Variants in LRBA observed in about 807,000 individuals in gnomAD.
LRBA encodes the protein lipopolysaccharide-responsive and beige-like anchor protein.
LRBA carries 176 observed loss-of-function variants against 330.0 expected under a neutral mutation model. The observed-to-expected ratio is 0.53, with a 90% CI of 0.47 to 0.60. The LOEUF (loss-of-function observed/expected upper bound fraction) is 0.60, where lower values mean the gene tolerates loss of function less well. LRBA is among the 20% of genes least tolerant of loss of function. The probability of loss-of-function intolerance (pLI) is 0.00; values close to 1 mark genes in which losing one functional copy is unlikely to be tolerated. For synonymous variants in LRBA, 1,230 were observed against 1,193.0 expected, an observed-to-expected ratio of 1.03 and a Z score of -0.64; for missense variants, 3,259 against 3,444.8, an observed-to-expected ratio of 0.95 and a Z score of 1.35.
chr4:150,828,441 A>C lies in LRBA; in HGVS notation c.4910T>G (p.Ile1637Ser). Residue 1637 changes from isoleucine (I) to serine (S), a missense_variant, in exon 30 of 57, where the codon ATC becomes AGC. Coordinates refer to ENST00000651943, the MANE Select transcript of LRBA (RefSeq NM_001364905.1). ...AGAAAGAGTAGATAGCACCTCGCTGATTGCATCTGGGCCTGCACTGACACC... is the reference window on the plus strand; with the variant it reads ...AGAAAGAGTAGATAGCACCTCGCTGCTTGCATCTGGGCCTGCACTGACACC... ...PPGVSAGPDA[I>S]SEVLSTLSLE... 2 of 1,614,144 alleles carry C rather than the reference A, an allele frequency of 1.2e-6. No homozygotes were observed. The highest frequency in any genetic ancestry group is 1.7e-6 in the Non-Finnish European group (2 of 1,180,012).
chr4:150,926,079 G>A (rs1211520591), intron 4 of LRBA, among the ~76,000 whole-genome samples: 1 of 152,198 alleles, frequency 6.6e-6, no homozygotes, highest in Non-Finnish European at 1.5e-5. Context: ...GGAGTCCACA[G>A]AAGATAGAAG....
At chr4:150,479,109 C>G (rs1464610791) in intron 42 of LRBA, among the ~76,000 whole-genome samples, 1 of 151,846 alleles carries the variant, frequency 6.6e-6, no homozygotes, top group Non-Finnish European at 1.5e-5. Context: ...TGGAGCAAGA[C>G]AGCATCTCTT....
chr4:150,336,006 G>A (rs1734678911), intron 48 of LRBA, among the ~76,000 whole-genome samples: 1 of 152,194 alleles, frequency 6.6e-6, no homozygotes, highest in African/African-American at 2.4e-5. Flanking sequence ...AAGCCACTGT[G>A]CTTGGCCTTT....
rs199889692 is a variant in LRBA at position 150,494,993 on chromosome 4, C to G, written c.6331-3958G>C. ...CCAGCCTGGGTGACACAGCGAGACT[C>G]TGTCTCAAAAAAAAAAAAAGGAAAT... is the stretch of plus-strand genomic sequence containing the variant. On this transcript the variant is annotated intron_variant, in intron 40 of 56. Coordinates refer to ENST00000651943, the MANE Select transcript of LRBA (RefSeq NM_001364905.1). 6.0e-5 allele frequency among the ~76,000 whole-genome samples: 9 copies of G among 150,470 alleles called. No individual in the cohort carries two copies. The East Asian group carries it at 1.8e-3, about 29-fold the overall frequency.
At chr4:150,349,738 A>C (rs1736886593) in intron 48 of LRBA, among the ~76,000 whole-genome samples, 1 of 152,214 alleles carries the variant, frequency 6.6e-6, no homozygotes, top group African/African-American at 2.4e-5. Context: ...TAAAATTATA[A>C]ATAAGATTAT....
intron 22 of LRBA, among the ~76,000 whole-genome samples, chr4:150,863,283 T>C (rs1752203349): frequency 6.6e-6 from 1 of 152,150 alleles, no homozygotes; most frequent in Admixed American, 6.5e-5. Flanking sequence ...TCTCAAAAAA[T>C]ATTTTTTTTC....
At chr4:150,998,816 A>T (rs1743002872) in intron 2 of LRBA, among the ~76,000 whole-genome samples, 1 of 152,222 alleles carries the variant, frequency 6.6e-6, no homozygotes, top group African/African-American at 2.4e-5. Context: ...TTGGGAAAGA[A>T]GAAAAATGAC....
intron 48 of LRBA, 85 bp from the exon 49 acceptor site, chr4:150,325,983 C>T (rs1424734207): frequency 2.7e-5 from 21 of 776,900 alleles, no homozygotes; most frequent in Non-Finnish European, 4.1e-5. Context: ...AAATATCATT[C>T]CATACTCTGG....
chr4:150,277,770 G>A, intron 56 of LRBA, 83 bp downstream of exon 56: 1 of 1,354,296 alleles, frequency 7.4e-7, no homozygotes, highest in Non-Finnish European at 1.0e-6. Flanking sequence ...CCAAAGTACT[G>A]GGATTACAGG....
intron 2 of LRBA, among the ~76,000 whole-genome samples, chr4:150,955,233 T>C (rs1737406420): frequency 6.7e-6 from 1 of 148,184 alleles, no homozygotes; most frequent in Admixed American, 6.6e-5. Context: ...ATCACACCAC[T>C]GCACTCCAGC....
In LRBA at chr4:150,264,648, A is replaced by AGAG. The variant is rs1306220649; in HGVS notation, c.*1071_*1073dup. The AGAG allele has an allele frequency of 4.3e-4, 65 of 152,796 alleles. No individual in the cohort carries two copies. The highest frequency in any genetic ancestry group is 1.4e-3 in the African/African-American group (60 of 41,588). 9.5% of individuals were successfully genotyped at this position (152,796 alleles called of 1,614,324 possible). A position where few individuals can be genotyped will look rare whatever the true frequency, so the allele number is the denominator to read the frequency against. On this transcript the variant is annotated 3_prime_UTR_variant, in exon 57 of 57. Transcript: ENST00000651943. ...ACTTGAAGTCTGTTGCAAGAGAAATAGAGATCAAAGTTCACAACATACAAA... is the reference window on the plus strand; with the variant it reads ...ACTTGAAGTCTGTTGCAAGAGAAATAGAGGAGATCAAAGTTCACAACATACAAA...
intron 37 of LRBA, among the ~76,000 whole-genome samples, chr4:150,613,081 T>G (rs1775430403): frequency 6.6e-6 from 1 of 152,108 alleles, no homozygotes. Flanking sequence ...AAAGATAAGT[T>G]AGAGCCATAA....
At chr4:150,742,697 G>A (rs1022232827) in intron 35 of LRBA, among the ~76,000 whole-genome samples, 2 of 151,982 alleles carry the variant, frequency 1.3e-5, no homozygotes, top group Non-Finnish European at 2.9e-5. Flanking sequence ...AGACAAGCCT[G>A]GGTAAAATAA....
At chr4:150,823,833 A>AT (rs1365220006) in intron 30 of LRBA, among the ~76,000 whole-genome samples, 1 of 152,032 alleles carries the variant, frequency 6.6e-6, no homozygotes, top group Non-Finnish European at 1.5e-5. Flanking sequence ...TTATGACAGT[A>AT]TCATGCTGTT....
intron 2 of LRBA, among the ~76,000 whole-genome samples, chr4:150,966,301 C>T (rs1738873275): frequency 6.6e-6 from 1 of 151,240 alleles, no homozygotes; most frequent in African/African-American, 2.4e-5. Flanking sequence ...TTTTGTATTG[C>T]TAGTTCATTC....
intron 51 of LRBA, among the ~76,000 whole-genome samples, chr4:150,313,024 T>A (rs11722135): frequency 0.2 from 30,976 of 151,814 alleles, 3,290 homozygotes; most frequent in East Asian, 0.26. Flanking sequence ...TCAATACAGA[T>A]AAACTTATTT....
At chr4:150,291,990 G>A (rs566883180) in intron 53 of LRBA, among the ~76,000 whole-genome samples, 23 of 152,190 alleles carry the variant, frequency 1.5e-4, no homozygotes, top group African/African-American at 5.3e-4. Flanking sequence ...ACCAAACACC[G>A]CATATTCTCA....
Position 151,014,554 on chromosome 4 carries a change from C to A in LRBA, c.89G>T (p.Gly30Val). The A allele has an allele frequency of 1.2e-6, 2 of 1,613,724 alleles. No homozygotes were observed. The highest frequency in any genetic ancestry group is 8.5e-7 in the Non-Finnish European group (1 of 1,179,816). The change falls in exon 2 of 57, where the codon GGG (glycine) becomes GTG (valine). Residue 30 changes from glycine (G) to valine (V), a missense_variant. Transcript: ENST00000651943. ...GGGREETPTE[G>V]GALSLKPGLP... ...CCCTGGTTTCAGAGACAATGCACCC[C>A]CTTCAGTAGGGGTTTCTTCTCTCCC...
In LRBA at chr4:150,565,527, T is replaced by A. The variant is rs952634840; in HGVS notation, c.6330+22521A>T. 1.3e-4 allele frequency among the ~76,000 whole-genome samples: 20 copies of A among 152,128 alleles called. No individual in the cohort carries two copies. In the East Asian group the frequency reaches 1.9e-3, roughly 15 times the overall value. On this transcript the variant is annotated intron_variant, in intron 40 of 56. Transcript: ENST00000651943. ...AATAAAATAAAAAATGTAAAAAAAA[T>A]AAAATCTATGTTTTATATTGATCAT...
Sources: allele counts gnomAD v4.1 joint callset (sites outside exome capture counted in the v4.1 genomes callset), GRCh38; gene constraint gnomAD v4.1.1; transcripts MANE v1.5; gene names NCBI Gene and HGNC (gene_info 2026-07-23, HGNC 2026-07-21).